The following NALCN variants were observed in gnomAD, a reference collection of about 807,000 sequenced individuals.
NALCN encodes sodium leak channel NALCN.
A neutral mutation model predicts 225.3 loss-of-function variants in NALCN; 111 were observed. The ratio of observed to expected loss-of-function variants is 0.49; its 90% CI spans 0.42 to 0.58. NALCN has a LOEUF of 0.58. NALCN is among the 20% of genes least tolerant of loss of function. The pLI, the probability that NALCN is intolerant of heterozygous loss-of-function variation, is 0.00. For missense variants in NALCN, 1,378 were observed against 2,202.4 expected (o/e 0.63, Z 7.49); for synonymous variants, 764 against 769.0 (o/e 0.99, Z 0.11).
At chr13:101,338,833 G>A (rs1933240) in intron 7 of NALCN, among the ~76,000 whole-genome samples, 1,817 of 152,284 alleles carry the variant, frequency 0.012, 11 homozygotes, top group Non-Finnish European at 0.02. Flanking sequence ...GTTGTAAGAC[G>A]GTTTGGTGGA....
In NALCN at chr13:101,162,698, C is replaced by A. The variant is rs549642530; in HGVS notation, c.1839+13602G>T. On this transcript the variant is annotated intron_variant, in intron 15 of 43. Transcript: ENST00000251127. Reference sequence around the variant, plus strand: ...ACAGGATCTGAAAGAAAAAGTGCTGCGAGGTTGCTCTTCCTTATCATCCTT... The same window carrying A: ...ACAGGATCTGAAAGAAAAAGTGCTGAGAGGTTGCTCTTCCTTATCATCCTT... Among the ~76,000 whole-genome samples the A allele has an allele frequency of 1.9e-4, 29 of 152,308 alleles. No homozygotes were observed. In the South Asian group the frequency reaches 6.0e-3, roughly 32 times the overall value.
chr13:101,117,237 C>T (rs1269470139), intron 18 of NALCN, among the ~76,000 whole-genome samples: 3 of 152,162 alleles, frequency 2.0e-5, no homozygotes, highest in Non-Finnish European at 2.9e-5. Flanking sequence ...CTTTATCTTA[C>T]GCACTTATAC....
chr13:101,394,278 T>C (rs1225904918), intron 3 of NALCN, among the ~76,000 whole-genome samples: 1 of 152,226 alleles, frequency 6.6e-6, no homozygotes, highest in South Asian at 2.1e-4. Flanking sequence ...CAATTAATTA[T>C]GTATAAAAGG....
intron 32 of NALCN, 86 bp downstream of exon 32, chr13:101,083,006 T>G (rs2033741196): frequency 6.5e-7 from 1 of 1,538,662 alleles, no homozygotes; most frequent in Admixed American, 1.7e-5. Flanking sequence ...AACATAACCG[T>G]GAATGCATAT....
chr13:101,060,277 T>TTTTTTTTG (rs2031772772), intron 41 of NALCN, among the ~76,000 whole-genome samples: 4 of 129,478 alleles, frequency 3.1e-5, no homozygotes, highest in Admixed American at 7.4e-5. Context: ...TGTTTTCTGT[T>TTTTTTTTG]TTTTTTTTTT....
In NALCN at chr13:101,415,208, C is replaced by CATATATATATATATATATAT. The variant is rs1030463057; in HGVS notation, c.-40+1104_-40+1105insATATATATATATATATATAT. Among the ~76,000 whole-genome samples, 216 of 107,780 alleles carry CATATATATATATATATATAT rather than the reference C, an allele frequency of 2.0e-3. 5 individuals are homozygous for CATATATATATATATATATAT. Among genetic ancestry groups the CATATATATATATATATATAT allele is most frequent in the Middle Eastern group, 4.8e-3 (1 of 208 alleles). The allele number at this position is 107,780 out of a possible 152,430, so 70.7% of individuals were successfully genotyped here. A position where few individuals can be genotyped will look rare whatever the true frequency, so the allele number is the denominator to read the frequency against. On this transcript the variant is annotated intron_variant, in intron 1 of 43. Transcript: ENST00000251127. ...TAGTTATGAACATACAAATCACACA[C>CATATATATATATATATATAT]ATATATATATATATATACATACATA...
chr13:101,068,792 T>G lies in NALCN; in HGVS notation c.4233A>C (p.Thr1411=). The G allele has an allele frequency of 6.2e-7, 1 of 1,612,180 alleles. No individual in the cohort carries two copies. The highest frequency in any genetic ancestry group is 8.5e-7 in the Non-Finnish European group (1 of 1,179,270). ...QPPFCTPDEF[T]YWATDCGNYA... ...AATTTCCACAGTCTGTTGCCCAGTA[T>G]GTAAATTCATCTGGAGTACAAAACG... Residue 1411 remains threonine (T), a synonymous_variant, in exon 38 of 44, where the codon ACA becomes ACC. Coordinates refer to ENST00000251127, the MANE Select transcript of NALCN (RefSeq NM_052867.4).
intron 7 of NALCN, among the ~76,000 whole-genome samples, chr13:101,334,788 A>T (rs2045323178): frequency 6.6e-6 from 1 of 152,140 alleles, no homozygotes; most frequent in African/African-American, 2.4e-5. Flanking sequence ...TATTGCAGGG[A>T]AAGACTGAAA....
intron 6 of NALCN, among the ~76,000 whole-genome samples, chr13:101,374,523 G>T (rs2046632822): frequency 1.3e-5 from 2 of 152,044 alleles, no homozygotes; most frequent in South Asian, 2.1e-4. Flanking sequence ...CTGACCTCAG[G>T]TTATCTACCC....
intron 7 of NALCN, among the ~76,000 whole-genome samples, chr13:101,332,453 T>G (rs2045218683): frequency 6.7e-6 from 1 of 148,348 alleles, no homozygotes; most frequent in Non-Finnish European, 1.5e-5. Context: ...ACGGTAGGCT[T>G]GTTATTGGCA....
intron 3 of NALCN, among the ~76,000 whole-genome samples, chr13:101,394,925 C>T (rs962138936): frequency 6.6e-6 from 1 of 152,200 alleles, no homozygotes; most frequent in African/African-American, 2.4e-5. Flanking sequence ...AGACTTCACA[C>T]AGTCATTAGT....
chr13:101,238,906 G>T (rs1328536726), intron 11 of NALCN, among the ~76,000 whole-genome samples: 2 of 151,890 alleles, frequency 1.3e-5, no homozygotes, highest in East Asian at 3.9e-4. Flanking sequence ...AAACATTAAA[G>T]GCACTGCAGA....
chr13:101,160,148 G>A (rs1434976760), intron 15 of NALCN, among the ~76,000 whole-genome samples: 7 of 152,044 alleles, frequency 4.6e-5, no homozygotes, highest in Non-Finnish European at 7.4e-5. Context: ...TAGAGACAGG[G>A]TTTCACCATG....
chr13:101,291,705 T>C (rs1020790591), intron 9 of NALCN, among the ~76,000 whole-genome samples: 1 of 152,060 alleles, frequency 6.6e-6, no homozygotes, highest in African/African-American at 2.4e-5. Context: ...ATGCCACTAC[T>C]CTTGGCTAAT....
At chr13:101,096,832 G>T (rs1471282341) in intron 27 of NALCN, among the ~76,000 whole-genome samples, 2 of 152,156 alleles carry the variant, frequency 1.3e-5, no homozygotes, top group Non-Finnish European at 2.9e-5. Context: ...CTTTGGCTAT[G>T]ATGGTCATAT....
In NALCN at chr13:101,209,201, T is replaced by C. The variant is rs932261535; in HGVS notation, c.1627-17147A>G. ...TGTGTATACCCATCCATCTCTCCATTTTTCTTCAAGGCTCTTGTAAACTCT... is the reference window on the plus strand; with the variant it reads ...TGTGTATACCCATCCATCTCTCCATCTTTCTTCAAGGCTCTTGTAAACTCT... On this transcript the variant is annotated intron_variant, in intron 13 of 43. Transcript: ENST00000251127. Among the ~76,000 whole-genome samples, 3 of 152,248 alleles carry C rather than the reference T, an allele frequency of 2.0e-5. No individual in the cohort carries two copies. The South Asian group carries it at 6.2e-4, about 32-fold the overall frequency.
intron 10 of NALCN, among the ~76,000 whole-genome samples, chr13:101,271,494 C>T (rs1445275543): frequency 6.6e-6 from 1 of 151,968 alleles, no homozygotes; most frequent in Non-Finnish European, 1.5e-5. Context: ...AATATTTATT[C>T]CAGGTAATTA....
intron 7 of NALCN, among the ~76,000 whole-genome samples, chr13:101,333,831 C>T (rs2045269884): frequency 6.6e-6 from 1 of 152,206 alleles, no homozygotes; most frequent in South Asian, 2.1e-4. Flanking sequence ...CCTTGACTGT[C>T]CATACACGAT....
intron 4 of NALCN, among the ~76,000 whole-genome samples, chr13:101,377,435 A>T (rs2046725700): frequency 6.6e-6 from 1 of 152,206 alleles, no homozygotes; most frequent in Non-Finnish European, 1.5e-5. Flanking sequence ...TTAAAATATT[A>T]AAAAAGAATT....
Sources: gnomAD v4.1 joint callset for allele counts (sites outside exome capture counted in the v4.1 genomes callset) on GRCh38, gnomAD v4.1.1 for gene constraint, MANE v1.5 for transcripts, NCBI Gene and HGNC (gene_info 2026-07-23, HGNC 2026-07-21) for gene names.